Variants in SLC38A12 observed in about 807,000 individuals in gnomAD.
SLC38A12 encodes putative sodium-coupled neutral amino acid transporter 12.
At chr17:74,790,948 C>A in the SLC38A12 span, 21 of 1,613,784 alleles carry the variant, frequency 1.3e-5, no homozygotes, top group Non-Finnish European at 1.8e-5. Context: ...GTTCTTTTGG[C>A]TCTGCAGAGA....
At chr17:74,780,937 T>C in the SLC38A12 span, among the ~76,000 whole-genome samples, 9 of 152,350 alleles carry the variant, frequency 5.9e-5, no homozygotes, top group South Asian at 1.0e-3. Context: ...CATGCTTATT[T>C]CATTATACCT....
the SLC38A12 span, among the ~76,000 whole-genome samples, chr17:74,823,020 A>G: frequency 6.6e-6 from 1 of 152,172 alleles, no homozygotes; most frequent in African/African-American, 2.4e-5. Flanking sequence ...TCAAAAGCCT[A>G]TTTGTCCTCT....
the SLC38A12 span, among the ~76,000 whole-genome samples, chr17:74,824,225 C>T: frequency 4.6e-5 from 7 of 152,318 alleles, no homozygotes; most frequent in East Asian, 1.2e-3. Context: ...TCTGCTCCGC[C>T]GCCCCCAGCA....
chr17:74,834,719 G>C, the SLC38A12 span, among the ~76,000 whole-genome samples: 1,833 of 152,336 alleles, frequency 0.012, 17 homozygotes, highest in Non-Finnish European at 0.02. Context: ...ACACTTGCCT[G>C]TGCTGCTCAC....
At chr17:74,790,210 A>G in the SLC38A12 span, 1 of 1,613,860 alleles carries the variant, frequency 6.2e-7, no homozygotes, top group East Asian at 2.2e-5. Context: ...GAGGAGGAAG[A>G]TGACGACTCC....
At chr17:74,783,404 C>T in the SLC38A12 span, among the ~76,000 whole-genome samples, 81 of 152,288 alleles carry the variant, frequency 5.3e-4, 1 homozygote, top group East Asian at 5.8e-3. Flanking sequence ...GATTCAAAGG[C>T]GGGAGGCAGG....
chr17:74,791,751 A>G, the SLC38A12 span, among the ~76,000 whole-genome samples: 1 of 152,188 alleles, frequency 6.6e-6, no homozygotes, highest in Admixed American at 6.5e-5. Context: ...TCTGGCTGCA[A>G]CCATAAGGGA....
At chr17:74,781,425 C>T in the SLC38A12 span, among the ~76,000 whole-genome samples, 2 of 152,130 alleles carry the variant, frequency 1.3e-5, no homozygotes, top group Admixed American at 1.3e-4. Flanking sequence ...GCTGGGACTA[C>T]AGGCACTTGC....
At chr17:74,802,022 C>T in the SLC38A12 span, among the ~76,000 whole-genome samples, 4 of 152,096 alleles carry the variant, frequency 2.6e-5, no homozygotes, top group African/African-American at 9.7e-5. Context: ...TGTCTGAGCA[C>T]GGCCCCTGTC....
chr17:74,786,249 A>G, the SLC38A12 span, among the ~76,000 whole-genome samples: 1 of 152,202 alleles, frequency 6.6e-6, no homozygotes, highest in Non-Finnish European at 1.5e-5. Context: ...TGAAGTTGTC[A>G]GCAAGTGCCC....
the SLC38A12 span, among the ~76,000 whole-genome samples, chr17:74,802,479 C>T: frequency 6.6e-6 from 1 of 152,156 alleles, no homozygotes; most frequent in Admixed American, 6.6e-5. Context: ...GTGACAGGGT[C>T]TTATGTTCTT....
chr17:74,837,716 G>A, the SLC38A12 span: 4 of 985,796 alleles, frequency 4.1e-6, no homozygotes, highest in Non-Finnish European at 4.8e-6. Context: ...CATTCCCATG[G>A]AAGGAGGCCA....
At chr17:74,788,674 G>A in the SLC38A12 span, 1 of 804,158 alleles carries the variant, frequency 1.2e-6, no homozygotes, top group Admixed American at 2.6e-5. Context: ...ACAGCTCTCA[G>A]AAAAGAGAAT....
the SLC38A12 span, among the ~76,000 whole-genome samples, chr17:74,834,107 G>C: frequency 5.3e-5 from 8 of 152,130 alleles, no homozygotes; most frequent in Admixed American, 2.0e-4. Flanking sequence ...AGGCACAGCT[G>C]TGCACACCCC....
At chr17:74,795,213 A>G in the SLC38A12 span, 2 of 978,878 alleles carry the variant, frequency 2.0e-6, no homozygotes, top group Non-Finnish European at 1.6e-6. Context: ...AAGTGAGTTC[A>G]TTGCATCTAG....
chr17:74,826,613 A>T, the SLC38A12 span, among the ~76,000 whole-genome samples: 1 of 152,262 alleles, frequency 6.6e-6, no homozygotes, highest in Non-Finnish European at 1.5e-5. Context: ...CCCAGGGCCA[A>T]GATGCTTTTG....
chr17:74,800,984 C>G, the SLC38A12 span, among the ~76,000 whole-genome samples: 3 of 152,218 alleles, frequency 2.0e-5, no homozygotes, highest in Non-Finnish European at 2.9e-5. Context: ...TCCACCCTCT[C>G]ATGTGGTTCA....
At chr17:74,808,417 C>T in the SLC38A12 span, among the ~76,000 whole-genome samples, 1 of 152,256 alleles carries the variant, frequency 6.6e-6, no homozygotes, top group African/African-American at 2.4e-5. Flanking sequence ...AACCTGTTTC[C>T]TACCAAGTGG....
At chr17:74,836,643 A>G in the SLC38A12 span, 4 of 1,611,562 alleles carry the variant, frequency 2.5e-6, no homozygotes, top group African/African-American at 4.0e-5. This position sits in a 1 kb window ranked among gnomAD's most constrained non-coding sequence, Gnocchi z 4.2. Flanking sequence ...CTCCTGCTTC[A>G]TTTTCGTCAC....
Sources: gnomAD v4.1 joint callset for allele counts (sites outside exome capture counted in the v4.1 genomes callset) on GRCh38, gnomAD v4.1.1 for gene constraint, Gnocchi (gnomAD v3.1) non-coding constraint, MANE v1.5 for transcripts, NCBI Gene and HGNC (gene_info 2026-07-23, HGNC 2026-07-21) for gene names.